POTEF: variants seen among roughly 807,000 people sequenced by gnomAD.
POTEF encodes ANKRD26-like family C member 1B.
In POTEF, 20 loss-of-function variants were observed where a neutral mutation model predicts 83.2. That is an observed-to-expected ratio of 0.24 (90% CI 0.17 to 0.35). POTEF has a LOEUF of 0.35. Ranked by LOEUF, POTEF falls within the 10% of genes least tolerant of loss-of-function variation. The pLI, the probability that POTEF is intolerant of heterozygous loss-of-function variation, is 1.00. For missense variants in POTEF, 550 were observed against 1,203.2 expected, an observed-to-expected ratio of 0.46 and a Z score of 8.03; for synonymous variants, 196 against 446.4, an observed-to-expected ratio of 0.44 and a Z score of 7.07.
chr2:130,101,546 A>T (rs1317985311), intron 9 of POTEF, among the ~76,000 whole-genome samples: 7 of 150,104 alleles, frequency 4.7e-5, no homozygotes, highest in African/African-American at 1.8e-4. Flanking sequence ...TCAACGAGAG[A>T]CCATAAGGCA....
rs1683773181 is a variant in POTEF, at chr2:130,075,533, C to T, written c.1939G>A (p.Glu647Lys). The T allele has an allele frequency of 6.2e-7, 1 of 1,610,816 alleles. No individual in the cohort carries two copies. The highest frequency in any genetic ancestry group is 2.2e-5 in the East Asian group (1 of 44,868). Reference protein sequence around the residue: ...SCKKEKDILHENSTLREEIAM... With the variant: ...SCKKEKDILHKNSTLREEIAM... The stretch of plus-strand genomic sequence containing the variant: ...ATTTCTTCCCGCAACGTACTATTTT[C>T]ATGCAAGATGTCTTTTTCTTTCTTA... Residue 647 changes from glutamate (E) to lysine (K), a missense_variant, in exon 17 of 17, where the codon GAA becomes AAA. Transcript: ENST00000409914.
At chr2:130,085,161 A>ACT (rs71204408) in intron 15 of POTEF, among the ~76,000 whole-genome samples, 6 of 110,034 alleles carry the variant, frequency 5.5e-5, no homozygotes, top group South Asian at 3.7e-4. Flanking sequence ...ATATATGCTT[A>ACT]CTGTTATATA....
At chr2:130,129,002 G>A (rs1350840262) in intron 1 of POTEF, 70 bp downstream of exon 1, 1 of 108,056 alleles carries the variant, frequency 9.3e-6, no homozygotes, top group Admixed American at 1.0e-4. Context: ...TGCAGCCTCG[G>A]GTAGTGAGCC....
intron 5 of POTEF, 75 bp from the exon 6 acceptor site, chr2:130,112,176 T>C (rs1172716183): frequency 4.7e-6 from 6 of 1,268,550 alleles, no homozygotes; most frequent in Admixed American, 2.6e-5. Flanking sequence ...GGAAACTTTA[T>C]ATAAGATCTT....
intron 8 of POTEF, among the ~76,000 whole-genome samples, chr2:130,107,222 G>C (rs1452288707): frequency 7.9e-4 from 118 of 148,518 alleles, no homozygotes; most frequent in Non-Finnish European, 1.4e-3. Context: ...AGAGCATCTT[G>C]TTCTAACAAA....
intron 6 of POTEF, among the ~76,000 whole-genome samples, chr2:130,111,506 T>G (rs2407452): frequency 7.3e-6 from 1 of 136,906 alleles, no homozygotes; most frequent in African/African-American, 2.7e-5. Context: ...AATTAATTGT[T>G]ATGTAGGGAT....
intron 1 of POTEF, among the ~76,000 whole-genome samples, chr2:130,128,234 C>A (rs1333119118): frequency 4.7e-5 from 7 of 150,536 alleles, no homozygotes; most frequent in Admixed American, 4.6e-4. Flanking sequence ...ACCCGGTAGT[C>A]CCAGGTGGTC....
chr2:130,122,029 G>T (rs1416672348), intron 2 of POTEF, among the ~76,000 whole-genome samples: 1 of 151,652 alleles, frequency 6.6e-6, no homozygotes, highest in African/African-American at 2.4e-5. Context: ...GCCTATTCTG[G>T]AAGGATTTGC....
chr2:130,101,001 A>G (rs1287796315), intron 9 of POTEF, among the ~76,000 whole-genome samples: 2 of 148,202 alleles, frequency 1.3e-5, no homozygotes, highest in Non-Finnish European at 2.9e-5. Flanking sequence ...AACGTGAACC[A>G]GCAAACTTAA....
At chr2:130,101,578 A>G (rs1039104028) in intron 9 of POTEF, among the ~76,000 whole-genome samples, 2 of 150,294 alleles carry the variant, frequency 1.3e-5, no homozygotes, top group African/African-American at 5.0e-5. Flanking sequence ...TAAGCTTGGT[A>G]TCAATGACTG....
At chr2:130,083,247 A>C (rs1365245239) in intron 15 of POTEF, among the ~76,000 whole-genome samples, 1 of 151,584 alleles carries the variant, frequency 6.6e-6, no homozygotes, top group Non-Finnish European at 1.5e-5. Context: ...AGGCAGGAGA[A>C]GTGCTGGAAC....
rs567642739 is a variant in POTEF, at chr2:130,075,295, G to A, written c.2177C>T (p.Ala726Val). Residue 726 changes from alanine to valine, a missense_variant, in exon 17 of 17, where the codon GCC (alanine) becomes GTC (valine). Coordinates refer to ENST00000409914, the MANE Select transcript of POTEF (RefSeq NM_001099771.2). ...MCKAGFAGDD[A>V]PRAVFPSIVG... ...GATGGAAGGGAAGACAGCCCGGGGG[G>A]CATCGTCGCCCGCAAAGCCGGCCTT... is the stretch of plus-strand genomic sequence containing the variant. 3.0e-5 allele frequency: 48 copies of A among 1,612,584 alleles called. No homozygotes were observed. In the African/African-American group the frequency reaches 4.7e-4, roughly 16 times the overall value.
chr2:130,123,434 A>C (rs981082757), intron 2 of POTEF, among the ~76,000 whole-genome samples: 60 of 149,170 alleles, frequency 4.0e-4, no homozygotes, highest in Non-Finnish European at 7.7e-4. Flanking sequence ...AAAATTTGTA[A>C]AGACTATAAT....
Position 130,120,146 on chromosome 2 carries a change from C to T in POTEF, c.370G>A (p.Asp124Asn), listed in dbSNP as rs376091861. 119 of 1,609,984 alleles carry T rather than the reference C, an allele frequency of 7.4e-5. 1 individual carries two copies. In the African/African-American group the frequency reaches 1.4e-3, roughly 19 times the overall value. Residue 124 changes from aspartate (D) to asparagine (N), a missense_variant, in exon 3 of 17, where the codon GAT (aspartate) becomes AAT (asparagine). Asp to Asn is a conservative substitution (Grantham distance 23, BLOSUM62 1). Coordinates refer to ENST00000409914, the MANE Select transcript of POTEF (RefSeq NM_001099771.2). ...KSKVGAWGDYDDSAFMEPRYH... is the reference protein window; with the variant it reads ...KSKVGAWGDYNDSAFMEPRYH... ...CTGGGCTCCATGAAGGCACTGTCATCGTAGTCTCCCCAAGCGCCCACCTTG... is the reference window on the plus strand; with the variant it reads ...CTGGGCTCCATGAAGGCACTGTCATTGTAGTCTCCCCAAGCGCCCACCTTG...
Position 130,120,165 on chromosome 2 carries a change from C to T in POTEF, c.351G>A (p.Val117=). 1 of 1,609,300 alleles carries T rather than the reference C, an allele frequency of 6.2e-7. No homozygotes were observed. Among genetic ancestry groups the T allele is most frequent in the Non-Finnish European group, 8.5e-7 (1 of 1,178,920 alleles). The change falls in exon 3 of 17, where the codon GTG becomes GTA. Residue 117 remains valine (V), a synonymous_variant. Transcript: ENST00000409914. ...TGTCATCGTAGTCTCCCCAAGCGCC[C>T]ACCTTGCTCTTGCTGCTCCCCCTGC... is the stretch of plus-strand genomic sequence containing the variant. ...PCCRGSSKSK[V]GAWGDYDDSA...
intron 2 of POTEF, among the ~76,000 whole-genome samples, chr2:130,123,370 CTTAT>C (rs1254800829): frequency 6.6e-6 from 1 of 151,714 alleles, no homozygotes; most frequent in Non-Finnish European, 1.5e-5. Flanking sequence ...AACAGATATG[CTTAT>C]TTATTACCTT....
chr2:130,114,692 A>T (rs1352307263), intron 5 of POTEF, among the ~76,000 whole-genome samples, 189 bp downstream of exon 5: 3 of 151,834 alleles, frequency 2.0e-5, no homozygotes, highest in African/African-American at 7.3e-5. Context: ...AAAAAAAAAA[A>T]CTGTACCCTC....
intron 10 of POTEF, 56 bp downstream of exon 10, chr2:130,100,619 TA>T (rs1684342454): frequency 6.6e-7 from 1 of 1,518,272 alleles, no homozygotes; most frequent in African/African-American, 1.5e-5. Flanking sequence ...TACATTTTGT[TA>T]AACAACATAA....
At chr2:130,128,547 T>TC (rs1685154918) in intron 1 of POTEF, among the ~76,000 whole-genome samples, 2 of 43,460 alleles carry the variant, frequency 4.6e-5, no homozygotes, top group African/African-American at 9.4e-5. Flanking sequence ...GTAACCCCAA[T>TC]ACCCCCCCCA....
Sources: allele counts gnomAD v4.1 joint callset (sites outside exome capture counted in the v4.1 genomes callset), GRCh38; gene constraint gnomAD v4.1.1; transcripts MANE v1.5; gene names NCBI Gene and HGNC (gene_info 2026-07-23, HGNC 2026-07-21).